CABLES1: variants seen among roughly 807,000 people sequenced by gnomAD.
The protein encoded by CABLES1 is Cdk5 and Abl enzyme substrate 1.
A neutral mutation model predicts 57.8 loss-of-function variants in CABLES1; 36 were observed. The observed-to-expected ratio is 0.62, with a 90% CI of 0.48 to 0.82. CABLES1 has a LOEUF of 0.82. Among genes scored for constraint, CABLES1 ranks in the 40% least tolerant of loss-of-function variants. The probability of loss-of-function intolerance (pLI) is 0.00; values close to 1 mark genes in which losing one functional copy is unlikely to be tolerated. For missense variants in CABLES1, 767 were observed against 836.6 expected (o/e 0.92, Z 1.03); for synonymous variants, 374 against 363.0 (o/e 1.03, Z -0.35).
At position 23,246,849 on chromosome 18, in the gene CABLES1, C is replaced by A. The variant is rs560977804; in HGVS notation, c.1447-6111C>A. ...CTGAGGCTATAGGCATGCACCACCA[C>A]GCCCAGCTAATTTTTGTATTTTTAG... On this transcript the variant is annotated intron_variant, in intron 7 of 9. Transcript: ENST00000256925. 4.0e-5 allele frequency among the ~76,000 whole-genome samples: 6 copies of A among 150,398 alleles called. 1 individual carries two copies. The highest frequency in any genetic ancestry group is 1.5e-4 in the African/African-American group (6 of 39,780).
chr18:23,169,029 A>C (rs373141099), intron 1 of CABLES1, among the ~76,000 whole-genome samples: 1 of 152,218 alleles, frequency 6.6e-6, no homozygotes, highest in African/African-American at 2.4e-5. Context: ...CCTTGCTGAT[A>C]AAACAGGTTA....
intron 7 of CABLES1, among the ~76,000 whole-genome samples, chr18:23,241,106 C>A (rs1281323615): frequency 6.6e-6 from 1 of 152,218 alleles, no homozygotes; most frequent in Non-Finnish European, 1.5e-5. Flanking sequence ...ATTAGTTTTA[C>A]CTATTCTGAA....
chr18:23,249,152 T>C (rs923042234), intron 7 of CABLES1, among the ~76,000 whole-genome samples: 3 of 152,236 alleles, frequency 2.0e-5, no homozygotes, highest in Admixed American at 6.5e-5. Flanking sequence ...ACCACAGCCC[T>C]TGCTCCAGCC....
intron 1 of CABLES1, among the ~76,000 whole-genome samples, chr18:23,138,350 C>T (rs1218919645): frequency 6.6e-6 from 1 of 152,114 alleles, no homozygotes; most frequent in African/African-American, 2.4e-5. Flanking sequence ...TTTATTGATC[C>T]TTTTCACCTC....
chr18:23,259,726 C>CAGACG lies in CABLES1; in HGVS notation c.*2363_*2364insGAGAC, dbSNP rs2145153920. On this transcript the variant is annotated 3_prime_UTR_variant, in exon 10 of 10. Transcript: ENST00000256925. ...GGCACCTCTGTGACACGGAACATTC[C>CAGACG]AGACACGTCGCAGCCTTGGGCTTCG... 6.6e-6 allele frequency: 1 copy of CAGACG among 152,386 alleles called. No homozygotes were observed. The highest frequency in any genetic ancestry group is 2.1e-4 in the South Asian group (1 of 4,822). 9.4% of individuals were successfully genotyped at this position (152,386 alleles called of 1,614,324 possible).
At chr18:23,229,709 GTTT>G (rs1227793848) in intron 4 of CABLES1, among the ~76,000 whole-genome samples, 1 of 152,218 alleles carries the variant, frequency 6.6e-6, no homozygotes, top group Non-Finnish European at 1.5e-5. Context: ...TCTCACTGGA[GTTT>G]TTAAAAGATT....
At chr18:23,174,821 CATATATATAT>C (rs569579022) in intron 1 of CABLES1, among the ~76,000 whole-genome samples, 1,305 of 94,562 alleles carry the variant, frequency 0.014, 31 homozygotes, top group East Asian at 0.041. Flanking sequence ...CATGTTACAC[CATATATATAT>C]ATATATATAT....
At chr18:23,186,535 C>T (rs937595079) in intron 1 of CABLES1, among the ~76,000 whole-genome samples, 1 of 151,968 alleles carries the variant, frequency 6.6e-6, no homozygotes, top group Non-Finnish European at 1.5e-5. Flanking sequence ...AAGCGATTCT[C>T]CTGCCTCAGC....
At chr18:23,137,294 T>C (rs2046829354) in intron 1 of CABLES1, among the ~76,000 whole-genome samples, 1 of 152,246 alleles carries the variant, frequency 6.6e-6, no homozygotes, top group South Asian at 2.1e-4. Context: ...GCTGAAGTTA[T>C]CTGGCGGCAT....
intron 1 of CABLES1, among the ~76,000 whole-genome samples, chr18:23,183,255 CCT>C (rs1005261539): frequency 3.2e-4 from 48 of 152,320 alleles, no homozygotes; most frequent in African/African-American, 1.2e-3. Context: ...CTTTCTTTCC[CCT>C]CTCTTCTTCC....
chr18:23,201,110 A>G (rs1311269214), intron 3 of CABLES1, among the ~76,000 whole-genome samples: 1 of 152,252 alleles, frequency 6.6e-6, no homozygotes, highest in Admixed American at 6.5e-5. Flanking sequence ...TTCACTGGAA[A>G]TGCTAGAGCC....
At chr18:23,239,951 C>T (rs1463396834) in intron 7 of CABLES1, among the ~76,000 whole-genome samples, 1 of 152,102 alleles carries the variant, frequency 6.6e-6, no homozygotes, top group South Asian at 2.1e-4. Flanking sequence ...AACCCCATCT[C>T]TACTAAAAAT....
intron 1 of CABLES1, among the ~76,000 whole-genome samples, chr18:23,167,751 G>A (rs1232840857): frequency 6.6e-6 from 1 of 152,058 alleles, no homozygotes; most frequent in Non-Finnish European, 1.5e-5. Flanking sequence ...GAGCAGGGAG[G>A]GGTGGGTGGG....
chr18:23,189,704 G>A (rs1024228573), intron 2 of CABLES1, among the ~76,000 whole-genome samples: 1 of 152,214 alleles, frequency 6.6e-6, no homozygotes, highest in East Asian at 1.9e-4. Flanking sequence ...CCTCGAACCC[G>A]CATCTGCACC....
intron 1 of CABLES1, among the ~76,000 whole-genome samples, chr18:23,156,430 G>C (rs2046966616): frequency 6.6e-6 from 1 of 152,226 alleles, no homozygotes; most frequent in African/African-American, 2.4e-5. Flanking sequence ...TTCGCTTCAG[G>C]ACCCTGGACG....
Position 23,136,191 on chromosome 18 carries a change from C to G in CABLES1, c.429C>G (p.Pro143=), listed in dbSNP as rs2046819062. 1 of 1,244,202 alleles carries G rather than the reference C, an allele frequency of 8.0e-7. No individual in the cohort carries two copies. Among genetic ancestry groups the G allele is most frequent in the Non-Finnish European group, 1.0e-6 (1 of 996,742 alleles). 77.1% of individuals were successfully genotyped at this position (1,244,202 alleles called of 1,614,324 possible). Residue 143 remains proline (P), a synonymous_variant, in exon 1 of 10, where the codon CCC becomes CCG. Transcript: ENST00000256925. ...GGTCCGGCCCCTGCCTCCCACAGCCCTCGTCGCTGCCGCCCTTGATTCCTG... is the reference window on the plus strand; with the variant it reads ...GGTCCGGCCCCTGCCTCCCACAGCCGTCGTCGCTGCCGCCCTTGATTCCTG... ...AAGSGPCLPQ[P]SSLPPLIPGG... is the part of the protein sequence containing the mutation.
chr18:23,236,979 C>T (rs183772485), intron 6 of CABLES1, among the ~76,000 whole-genome samples, 163 bp from the exon 7 acceptor site: 12 of 152,278 alleles, frequency 7.9e-5, no homozygotes, highest in Non-Finnish European at 1.2e-4. Context: ...CACTGGCACA[C>T]GGAGATGTCT....
chr18:23,256,302 G>T (rs898930430), intron 9 of CABLES1, among the ~76,000 whole-genome samples: 1 of 152,258 alleles, frequency 6.6e-6, no homozygotes, highest in Non-Finnish European at 1.5e-5. Flanking sequence ...GGGTGGGCAC[G>T]CAAGATGCCA....
intron 1 of CABLES1, among the ~76,000 whole-genome samples, chr18:23,167,289 A>C (rs1186444911): frequency 6.6e-6 from 1 of 151,914 alleles, no homozygotes; most frequent in African/African-American, 2.4e-5. Flanking sequence ...GGCTGGAGGA[A>C]CTCGGCCCCT....
Sources: gnomAD v4.1 joint callset for allele counts (sites outside exome capture counted in the v4.1 genomes callset) on GRCh38, gnomAD v4.1.1 for gene constraint, MANE v1.5 for transcripts, NCBI Gene and HGNC (gene_info 2026-07-23, HGNC 2026-07-21) for gene names.